Variants in PTPRD observed in about 807,000 individuals in gnomAD.
PTPRD encodes the protein receptor-type tyrosine-protein phosphatase delta.
PTPRD carries 34 observed loss-of-function variants against 214.5 expected under a neutral mutation model. The ratio of observed to expected loss-of-function variants is 0.16; its 90% CI spans 0.12 to 0.21. The LOEUF (loss-of-function observed/expected upper bound fraction) is 0.21, where lower values mean the gene tolerates loss of function less well. PTPRD is among the 10% of genes least tolerant of loss of function. The pLI is 1.00. For missense variants in PTPRD, 2,545 were observed against 2,398.7 expected, an observed-to-expected ratio of 1.06 and a Z score of -1.27; for synonymous variants, 1,128 against 845.7, an observed-to-expected ratio of 1.33 and a Z score of -5.79.
chr9:10,184,699 A>G (rs574407914), intron 3 of PTPRD, among the ~76,000 whole-genome samples: 19 of 152,188 alleles, frequency 1.2e-4, no homozygotes, highest in African/African-American at 4.3e-4. Flanking sequence ...TGCTGCTTTC[A>G]CCTCTCTTCT....
At chr9:9,025,079 A>G (rs927140508) in intron 10 of PTPRD, among the ~76,000 whole-genome samples, 13 of 152,050 alleles carry the variant, frequency 8.5e-5, no homozygotes, top group Non-Finnish European at 1.5e-5. Flanking sequence ...GATTGTTTAC[A>G]TAGATATATT....
chr9:9,192,462 A>C (rs1362264843), intron 9 of PTPRD, among the ~76,000 whole-genome samples: 1 of 152,134 alleles, frequency 6.6e-6, no homozygotes, highest in Non-Finnish European at 1.5e-5. Flanking sequence ...TTGTTTTTAC[A>C]TGTTTGAAGT....
intron 3 of PTPRD, among the ~76,000 whole-genome samples, chr9:10,103,326 T>C (rs185074471): frequency 1.4e-5 from 2 of 147,312 alleles, no homozygotes; most frequent in African/African-American, 5.0e-5. Flanking sequence ...GGAGGTAAGA[T>C]AGACATTGAC....
At chr9:10,019,789 G>C (rs1390740114) in intron 4 of PTPRD, among the ~76,000 whole-genome samples, 1 of 148,172 alleles carries the variant, frequency 6.7e-6, no homozygotes, top group Non-Finnish European at 1.5e-5. Context: ...GGGTGGGGGG[G>C]AGCTGGGAGG....
chr9:10,188,074 G>T (rs947136519), intron 3 of PTPRD, among the ~76,000 whole-genome samples: 1 of 152,062 alleles, frequency 6.6e-6, no homozygotes, highest in African/African-American at 2.4e-5. Context: ...TAATATCTCT[G>T]CTAACATTAT....
chr9:8,853,231 C>G (rs1387029652), intron 11 of PTPRD, among the ~76,000 whole-genome samples: 1 of 152,168 alleles, frequency 6.6e-6, no homozygotes, highest in African/African-American at 2.4e-5. Flanking sequence ...TTAAGTCAGA[C>G]TGCTGTAACA....
intron 3 of PTPRD, among the ~76,000 whole-genome samples, chr9:10,129,256 C>T (rs2098841167): frequency 6.6e-6 from 1 of 152,124 alleles, no homozygotes; most frequent in South Asian, 2.1e-4. Flanking sequence ...TGACAGACTT[C>T]ACAAAGTCCA....
At chr9:9,695,674 C>T (rs553160076) in intron 7 of PTPRD, among the ~76,000 whole-genome samples, 4 of 151,994 alleles carry the variant, frequency 2.6e-5, no homozygotes, top group East Asian at 1.9e-4. Context: ...TGTTTGTTCT[C>T]GGTTTTGTTA....
chr9:10,205,997 A>G (rs1315487326), intron 3 of PTPRD, among the ~76,000 whole-genome samples: 2 of 151,516 alleles, frequency 1.3e-5, no homozygotes, highest in African/African-American at 4.9e-5. Context: ...GAGGAGTCTG[A>G]TATGTAAATC....
At chr9:9,104,904 G>C (rs899560551) in intron 10 of PTPRD, among the ~76,000 whole-genome samples, 1 of 152,150 alleles carries the variant, frequency 6.6e-6, no homozygotes, top group African/African-American at 2.4e-5. Context: ...CTGGATTCCA[G>C]TGTGATAAGT....
intron 14 of PTPRD, among the ~76,000 whole-genome samples, chr9:8,624,597 T>C (rs1045845761): frequency 4.6e-5 from 7 of 151,860 alleles, no homozygotes; most frequent in Non-Finnish European, 7.4e-5. Context: ...GGCAACTTTA[T>C]TGTTAGTTAC....
intron 3 of PTPRD, among the ~76,000 whole-genome samples, chr9:10,081,810 G>A (rs1464394393): frequency 6.6e-6 from 1 of 151,884 alleles, no homozygotes. Flanking sequence ...ATTTTATTCG[G>A]GTTTTAAATT....
chr9:10,255,658 T>C (rs575161727), intron 3 of PTPRD, among the ~76,000 whole-genome samples: 2 of 152,338 alleles, frequency 1.3e-5, no homozygotes, highest in East Asian at 3.9e-4. Flanking sequence ...TAGCTTACTA[T>C]AACTTTTTGA....
At chr9:9,925,577 CT>C (rs1373808891) in intron 5 of PTPRD, among the ~76,000 whole-genome samples, 7 of 151,522 alleles carry the variant, frequency 4.6e-5, no homozygotes, top group Non-Finnish European at 1.5e-5. Flanking sequence ...ATATAGTGGT[CT>C]TTTTTCAGTA....
In PTPRD at chr9:9,611,790, A is replaced by T. The variant is rs908032892; in HGVS notation, c.-286-37009T>A. Among the ~76,000 whole-genome samples, 5 of 152,132 alleles carry T rather than the reference A, an allele frequency of 3.3e-5. No individual in the cohort carries two copies. The East Asian group carries it at 9.6e-4, about 29-fold the overall frequency. On this transcript the variant is annotated intron_variant, in intron 7 of 45. Transcript: ENST00000381196. ...ATATTAGTGTTGATATGGTTAAAGT[A>T]TGGAATATTAATTCCTGGTTTATGT... is the stretch of plus-strand genomic sequence containing the variant.
chr9:9,275,192 A>AT (rs1482086352), intron 9 of PTPRD, among the ~76,000 whole-genome samples: 1 of 18,516 alleles, frequency 5.4e-5, no homozygotes, highest in Non-Finnish European at 1.0e-4. Flanking sequence ...TGTTATATAT[A>AT]TATATATTAT....
chr9:10,197,706 G>A (rs150237675), intron 3 of PTPRD, among the ~76,000 whole-genome samples: 1 of 152,068 alleles, frequency 6.6e-6, no homozygotes, highest in Non-Finnish European at 1.5e-5. Flanking sequence ...GAAAAGCAGA[G>A]TCCTGAATGC....
rs1180633099 is a variant in PTPRD, at chr9:10,410,288, ATATAAT to A, written c.-599-69277_-599-69272del. On this transcript the variant is annotated intron_variant, in intron 2 of 45. Transcript: ENST00000381196. ...ATATATATACACACACACACACAATATATAATATATATAATATATATATAAAACATA... is the reference window on the plus strand; with the variant it reads ...ATATATATACACACACACACACAATAATATATAATATATATATAAAACATA... 5.5e-4 allele frequency among the ~76,000 whole-genome samples: 67 copies of A among 122,928 alleles called. No individual in the cohort carries two copies. The East Asian group carries it at 9.1e-3, about 17-fold the overall frequency. 80.6% of individuals were successfully genotyped at this position (122,928 alleles called of 152,430 possible).
chr9:9,074,970 A>C (rs1364245667), intron 10 of PTPRD, among the ~76,000 whole-genome samples: 2 of 152,000 alleles, frequency 1.3e-5, no homozygotes, highest in South Asian at 2.1e-4. Context: ...ACAATATAGA[A>C]CAAAGATGGT....
Sources: gnomAD v4.1 joint callset for allele counts (sites outside exome capture counted in the v4.1 genomes callset) on GRCh38, gnomAD v4.1.1 for gene constraint, MANE v1.5 for transcripts, NCBI Gene and HGNC (gene_info 2026-07-23, HGNC 2026-07-21) for gene names.